The following CDH13 variants were observed in gnomAD, a reference collection of about 807,000 sequenced individuals.
CDH13 encodes the protein cadherin 13, also known as cadherin-13.
CDH13 carries 24 observed loss-of-function variants against 63.8 expected under a neutral mutation model. The observed-to-expected ratio is 0.38, with a 90% confidence interval of 0.27 to 0.53. CDH13 has a LOEUF of 0.53. Among genes scored for constraint, CDH13 ranks in the 20% least tolerant of loss-of-function variants. CDH13 has a pLI of 0.85. For synonymous variants in CDH13, 503 were observed against 355.3 expected, an observed-to-expected ratio of 1.42 and a Z score of -4.67; for missense variants, 1,049 against 903.1, an observed-to-expected ratio of 1.16 and a Z score of -2.07.
At chr16:83,495,595 G>A (rs2074118793) in intron 7 of CDH13, among the ~76,000 whole-genome samples, 1 of 152,174 alleles carries the variant, frequency 6.6e-6, no homozygotes. Flanking sequence ...CCCCATAAGA[G>A]ACAGCTTTGC....
intron 1 of CDH13, among the ~76,000 whole-genome samples, chr16:82,661,643 G>C (rs1911959654): frequency 1.3e-5 from 2 of 152,232 alleles, no homozygotes; most frequent in Non-Finnish European, 1.5e-5. Flanking sequence ...GATGCATATG[G>C]AGGTTCCATG....
chr16:83,214,182 C>T (rs187637055), intron 4 of CDH13, among the ~76,000 whole-genome samples: 114 of 152,108 alleles, frequency 7.5e-4, no homozygotes, highest in East Asian at 1.9e-3. Context: ...CAATAATGAC[C>T]ACAGTGACAG....
chr16:83,134,366 T>C (rs1027937200), intron 4 of CDH13, among the ~76,000 whole-genome samples: 3 of 152,058 alleles, frequency 2.0e-5, no homozygotes, highest in African/African-American at 7.2e-5. Flanking sequence ...ATTTTTGTAT[T>C]TTTAGGAGAG....
At chr16:83,144,765 C>T (rs1023125796) in intron 4 of CDH13, among the ~76,000 whole-genome samples, 1 of 152,184 alleles carries the variant, frequency 6.6e-6, no homozygotes, top group African/African-American at 2.4e-5. Flanking sequence ...GCTGGGGATC[C>T]CAGATTCTGT....
At chr16:83,301,579 G>C (rs2089746797) in intron 5 of CDH13, among the ~76,000 whole-genome samples, 2 of 152,120 alleles carry the variant, frequency 1.3e-5, no homozygotes, top group Non-Finnish European at 2.9e-5. Context: ...AGGTCGGACC[G>C]ACAGACTATC....
chr16:82,899,375 T>C (rs2041380357), intron 2 of CDH13, among the ~76,000 whole-genome samples: 1 of 152,226 alleles, frequency 6.6e-6, no homozygotes, highest in Admixed American at 6.5e-5. Context: ...AATACATCAA[T>C]GGTTTACGCA....
At chr16:82,842,377 T>A (rs1451208369) in intron 1 of CDH13, among the ~76,000 whole-genome samples, 2 of 151,500 alleles carry the variant, frequency 1.3e-5, no homozygotes, top group South Asian at 2.1e-4. Context: ...GTCCTTGAAT[T>A]TCAAGTCCTT....
intron 7 of CDH13, among the ~76,000 whole-genome samples, chr16:83,496,303 A>C (rs2074142802): frequency 6.8e-6 from 1 of 146,926 alleles, no homozygotes; most frequent in Admixed American, 6.8e-5. Flanking sequence ...TACTGGTACC[A>C]AAACAGAGAT....
At chr16:83,749,287 A>C (rs79721089) in intron 11 of CDH13, among the ~76,000 whole-genome samples, 5,513 of 152,214 alleles carry the variant, frequency 0.036, 303 homozygotes, top group Admixed American at 0.13. Flanking sequence ...ACTCACACAA[A>C]CCATTAGGAG....
chr16:82,744,949 G>A (rs991730992), intron 1 of CDH13, among the ~76,000 whole-genome samples: 1 of 152,180 alleles, frequency 6.6e-6, no homozygotes, highest in Non-Finnish European at 1.5e-5. Context: ...CACATAAATA[G>A]CCATATGTCT....
chr16:83,478,090 G>T (rs1006680446), intron 6 of CDH13, among the ~76,000 whole-genome samples: 1 of 151,572 alleles, frequency 6.6e-6, no homozygotes, highest in African/African-American at 2.4e-5. Context: ...AACCCAAGAG[G>T]CGGAGCTTGC....
Position 83,166,478 on chromosome 16 carries a change from T to A in CDH13, c.483+40977T>A, listed in dbSNP as rs73606311. Among the ~76,000 whole-genome samples the A allele has an allele frequency of 2.7e-3, 411 of 152,106 alleles. 5 individuals are homozygous for A. Among genetic ancestry groups the A allele is most frequent in the African/African-American group, 9.4e-3 (390 of 41,484 alleles). On this transcript the variant is annotated intron_variant, in intron 4 of 13. Coordinates refer to ENST00000567109, the MANE Select transcript of CDH13 (RefSeq NM_001257.5). ...ACCTCTTGATTCCTCCCTCCTTTCC[T>A]TCCAAGATCAGATTTTTATCGTCTC...
intron 3 of CDH13, among the ~76,000 whole-genome samples, chr16:83,122,834 A>T (rs1236744844): frequency 6.6e-6 from 1 of 152,138 alleles, no homozygotes; most frequent in Non-Finnish European, 1.5e-5. Context: ...ACATGCACAC[A>T]CTGTGTAGTG....
intron 7 of CDH13, among the ~76,000 whole-genome samples, chr16:83,523,958 G>T (rs1481328077): frequency 1.3e-5 from 2 of 152,154 alleles, no homozygotes; most frequent in African/African-American, 2.4e-5. Flanking sequence ...AGCGTCCTGG[G>T]CAACCAAAGT....
chr16:83,422,198 A>G (rs771159638), intron 6 of CDH13, among the ~76,000 whole-genome samples: 12 of 152,200 alleles, frequency 7.9e-5, no homozygotes, highest in Non-Finnish European at 1.6e-4. Context: ...TTTTTCCATA[A>G]TACTATTTTT....
intron 7 of CDH13, among the ~76,000 whole-genome samples, chr16:83,599,569 A>C (rs1907587300): frequency 1.3e-5 from 2 of 152,236 alleles, no homozygotes; most frequent in South Asian, 4.1e-4. Flanking sequence ...AAAGATGTTA[A>C]TTGCACTGTT....
At chr16:83,028,538 TC>T (rs1408813471) in intron 2 of CDH13, among the ~76,000 whole-genome samples, 3 of 152,158 alleles carry the variant, frequency 2.0e-5, no homozygotes, top group Non-Finnish European at 4.4e-5. Context: ...TCCCTGCTTG[TC>T]CTCAGGGGAT....
intron 9 of CDH13, among the ~76,000 whole-genome samples, chr16:83,674,439 A>G (rs138561162): frequency 3.3e-4 from 51 of 152,362 alleles, no homozygotes; most frequent in African/African-American, 1.1e-3. Flanking sequence ...TTATCGGGGC[A>G]GAAAACATCC....
intron 8 of CDH13, among the ~76,000 whole-genome samples, chr16:83,618,811 G>A (rs1235386132): frequency 6.6e-6 from 1 of 151,520 alleles, no homozygotes; most frequent in Admixed American, 6.6e-5. Context: ...GTGGAGACAG[G>A]TTCAACTTAT....
Sources: gnomAD v4.1 joint callset for allele counts (sites outside exome capture counted in the v4.1 genomes callset) on GRCh38, gnomAD v4.1.1 for gene constraint, MANE v1.5 for transcripts, NCBI Gene and HGNC (gene_info 2026-07-23, HGNC 2026-07-21) for gene names.